The following AKT1 variants were observed in gnomAD, a reference collection of about 807,000 sequenced individuals.
AKT1 encodes the protein AKT serine/threonine kinase 1.
AKT1 carries 21 observed loss-of-function variants against 63.1 expected under a neutral mutation model. The observed-to-expected ratio is 0.33, with a 90% CI of 0.24 to 0.48. AKT1 has a LOEUF of 0.48. Among genes scored for constraint, AKT1 ranks in the 20% least tolerant of loss-of-function variants. The pLI is 0.99. For missense variants in AKT1, 382 were observed against 666.0 expected (o/e 0.57, Z 4.69); for synonymous variants, 257 against 253.1 (o/e 1.02, Z -0.15).
At chr14:104,781,140 G>A (rs554920003) in intron 3 of AKT1, among the ~76,000 whole-genome samples, 53 of 152,248 alleles carry the variant, frequency 3.5e-4, no homozygotes, top group Middle Eastern at 3.4e-3. Context: ...ACTGACACTC[G>A]GAAAAAAATG....
intron 3 of AKT1, among the ~76,000 whole-genome samples, chr14:104,782,742 C>T (rs982010636): frequency 2.7e-5 from 4 of 147,032 alleles, no homozygotes; most frequent in African/African-American, 7.4e-5. Flanking sequence ...AGGGGCCTCA[C>T]GTGGCCTTTG....
intron 3 of AKT1, among the ~76,000 whole-genome samples, chr14:104,782,584 T>C (rs750409426): frequency 5.9e-5 from 9 of 152,014 alleles, no homozygotes; most frequent in Non-Finnish European, 1.3e-4. Context: ...AGAGGACAGG[T>C]GCCCAGCCCC....
chr14:104,781,788 G>A (rs1198094953), intron 3 of AKT1, among the ~76,000 whole-genome samples: 3 of 152,206 alleles, frequency 2.0e-5, no homozygotes, highest in Non-Finnish European at 4.4e-5. Context: ...GGTGGACCAG[G>A]AAGGGGACAG....
In AKT1 at chr14:104,790,600, G is replaced by A. The variant is rs545910573; in HGVS notation, c.46+1998C>T. On this transcript the variant is annotated intron_variant, in intron 3 of 14. Transcript: ENST00000649815. ...GGAGCGGCCGGCCATGCGGGTGGAC[G>A]CCACCTGCTCTCGGCAACAAGAGGG... Among the ~76,000 whole-genome samples, 187 of 152,338 alleles carry A rather than the reference G, an allele frequency of 1.2e-3. 1 individual carries two copies. Among genetic ancestry groups the A allele is most frequent in the Non-Finnish European group, 2.1e-3 (144 of 68,024 alleles).
At chr14:104,790,425 AG>A (rs1197965914) in intron 3 of AKT1, among the ~76,000 whole-genome samples, 1 of 150,336 alleles carries the variant, frequency 6.7e-6, no homozygotes, top group African/African-American at 2.4e-5. Flanking sequence ...TGCTAGGGAC[AG>A]GAAGGCAGCT....
At chr14:104,788,645 G>A (rs1473210371) in intron 3 of AKT1, among the ~76,000 whole-genome samples, 3 of 152,166 alleles carry the variant, frequency 2.0e-5, no homozygotes, top group Admixed American at 6.5e-5. Flanking sequence ...CACTGGGGTA[G>A]GAACCACTCT....
intron 6 of AKT1, 89 bp downstream of exon 6, chr14:104,775,563 C>T: frequency 2.0e-6 from 3 of 1,531,508 alleles, no homozygotes; most frequent in South Asian, 2.5e-5. Context: ...CTGAGTGTCT[C>T]CTGGGCCGAG....
In AKT1 at chr14:104,769,820, C is replaced by T. The variant is rs911185309; in HGVS notation, c.*521G>A. ...GCCTCCGATGACGTCCTCAGAGACA[C>T]GGCCTTAGTGCTGGGGGGCTGCTGT... On this transcript the variant is annotated 3_prime_UTR_variant, in exon 15 of 15. Coordinates refer to ENST00000649815, the MANE Select transcript of AKT1 (RefSeq NM_001382430.1). 2.8e-5 allele frequency: 11 copies of T among 390,588 alleles called. No homozygotes were observed. Among genetic ancestry groups the T allele is most frequent in the African/African-American group, 8.4e-5 (4 of 47,824 alleles). 24.2% of individuals were successfully genotyped at this position (390,588 alleles called of 1,614,324 possible). A position where few individuals can be genotyped will look rare whatever the true frequency, so the allele number is the denominator to read the frequency against.
At chr14:104,789,330 C>T (rs1232010455) in intron 3 of AKT1, among the ~76,000 whole-genome samples, 1 of 152,224 alleles carries the variant, frequency 6.6e-6, no homozygotes, top group Non-Finnish European at 1.5e-5. Flanking sequence ...CGCGAGTGGA[C>T]AAAAACAGGC....
At chr14:104,770,985 C>G in intron 13 of AKT1, 138 bp from the exon 14 acceptor site, 1 of 711,836 alleles carries the variant, frequency 1.4e-6, no homozygotes, top group Non-Finnish European at 2.4e-6. Context: ...AGCAGCAAGC[C>G]ACCAGCCCCC....
At chr14:104,789,209 G>A (rs1485018554) in intron 3 of AKT1, among the ~76,000 whole-genome samples, 1 of 152,190 alleles carries the variant, frequency 6.6e-6, no homozygotes, top group Non-Finnish European at 1.5e-5. Flanking sequence ...GCCCTTTCTC[G>A]AGAGCCCAGA....
At chr14:104,793,593 C>T (rs112005795) in intron 1 of AKT1, 145 of 174,266 alleles carry the variant, frequency 8.3e-4, no homozygotes, top group African/African-American at 3.1e-3. Flanking sequence ...GGTTACAGAC[C>T]CATAATTACA....
chr14:104,784,989 T>C (rs1893258015), intron 3 of AKT1, among the ~76,000 whole-genome samples: 1 of 152,218 alleles, frequency 6.6e-6, no homozygotes. Context: ...GAGACGGTGG[T>C]GGCAGCGGCT....
chr14:104,779,438 C>T (rs1892904167), intron 4 of AKT1, among the ~76,000 whole-genome samples: 2 of 152,228 alleles, frequency 1.3e-5, no homozygotes, highest in Admixed American at 1.3e-4. Flanking sequence ...GCCCCCTCAC[C>T]CAAGGGGTTT....
At chr14:104,776,523 G>A (rs990802935) in intron 5 of AKT1, 136 bp downstream of exon 5, 39 of 690,438 alleles carry the variant, frequency 5.6e-5, no homozygotes, top group Middle Eastern at 2.9e-4. Context: ...TTCCAAACTG[G>A]GCTCTGAGGA....
chr14:104,769,952 A>G lies in AKT1; in HGVS notation c.*389T>C. On this transcript the variant is annotated 3_prime_UTR_variant, in exon 15 of 15. Transcript: ENST00000649815. ...CCAGGGCCCCAGAGAGATGACAGAT[A>G]GCTGGTGACAGACAGCCCAGGGCGG... 1 of 414,582 alleles carries G rather than the reference A, an allele frequency of 2.4e-6. No individual in the cohort carries two copies. Among genetic ancestry groups the G allele is most frequent in the Non-Finnish European group, 4.5e-6 (1 of 223,698 alleles). The allele number at this position is 414,582 out of a possible 1,614,324, so 25.7% of individuals were successfully genotyped here.
intron 4 of AKT1, among the ~76,000 whole-genome samples, chr14:104,779,258 C>A (rs1892895117): frequency 6.6e-6 from 1 of 152,260 alleles, no homozygotes; most frequent in Admixed American, 6.5e-5. Context: ...CGGCCAAGGT[C>A]CCCCGCTGGC....
intron 3 of AKT1, among the ~76,000 whole-genome samples, chr14:104,785,230 C>G (rs1349658140): frequency 6.6e-6 from 1 of 152,196 alleles, no homozygotes; most frequent in Non-Finnish European, 1.5e-5. Context: ...GCCAGGAGAC[C>G]GCACAGCTCA....
Position 104,770,040 on chromosome 14 carries a change from G to C in AKT1, c.*301C>G, listed in dbSNP as rs41307094. On this transcript the variant is annotated 3_prime_UTR_variant, in exon 15 of 15. Transcript: ENST00000649815. ...GCCCGGCCCCCCAATGCCACATTGC[G>C]CATAGCTGCAGAAGTCCTTAACATT... 4.0e-6 allele frequency: 2 copies of C among 499,836 alleles called. No individual in the cohort carries two copies. The highest frequency in any genetic ancestry group is 3.5e-5 in the East Asian group (1 of 28,206). The allele number at this position is 499,836 out of a possible 1,614,324, so 31.0% of individuals were successfully genotyped here.
Sources: allele counts gnomAD v4.1 joint callset (sites outside exome capture counted in the v4.1 genomes callset), GRCh38; gene constraint gnomAD v4.1.1; transcripts MANE v1.5; gene names NCBI Gene and HGNC (gene_info 2026-07-23, HGNC 2026-07-21).